The following NGEF variants were observed in gnomAD, a reference collection of about 807,000 sequenced individuals.
NGEF encodes neuronal guanine nucleotide exchange factor.
A neutral mutation model predicts 80.9 loss-of-function variants in NGEF; 31 were observed. The ratio of observed to expected loss-of-function variants is 0.38; its 90% CI spans 0.29 to 0.52. The LOEUF (loss-of-function observed/expected upper bound fraction) is 0.52. Ranked by LOEUF, NGEF falls within the 20% of genes least tolerant of loss-of-function variation. NGEF has a pLI of 0.84. For synonymous variants in NGEF, 371 were observed against 370.2 expected, an observed-to-expected ratio of 1.00 and a Z score of -0.03; for missense variants, 709 against 926.2, an observed-to-expected ratio of 0.77 and a Z score of 3.04.
At chr2:232,901,254 A>C in intron 5 of NGEF, 2 of 510,274 alleles carry the variant, frequency 3.9e-6, no homozygotes, top group Non-Finnish European at 5.0e-6. Context: ...CCGGGACTAC[A>C]GTGTCTGTCC....
intron 4 of NGEF, among the ~76,000 whole-genome samples, chr2:232,921,823 C>T (rs1024455101): frequency 1.3e-5 from 2 of 152,176 alleles, no homozygotes; most frequent in Non-Finnish European, 2.9e-5. Flanking sequence ...CGGGCTGCAG[C>T]AGCTCCTTGG....
chr2:232,983,418 T>C (rs896885308), intron 1 of NGEF, among the ~76,000 whole-genome samples: 7 of 151,328 alleles, frequency 4.6e-5, no homozygotes, highest in African/African-American at 1.5e-4. Context: ...GTTTGGTGCC[T>C]GAGGGGTGAA....
chr2:233,002,823 G>T (rs947194146), intron 1 of NGEF, among the ~76,000 whole-genome samples: 1 of 152,216 alleles, frequency 6.6e-6, no homozygotes, highest in Admixed American at 6.5e-5. Context: ...TCCACTGTGA[G>T]TGGCAGCAAC....
intron 3 of NGEF, among the ~76,000 whole-genome samples, chr2:232,942,618 T>G (rs2106297813): frequency 6.6e-6 from 1 of 152,298 alleles, no homozygotes; most frequent in South Asian, 2.1e-4. Context: ...AACTCACGCC[T>G]GTAATCCCAA....
chr2:232,949,029 C>CA, intron 3 of NGEF, among the ~76,000 whole-genome samples: 1 of 129,024 alleles, frequency 7.8e-6, no homozygotes, highest in Non-Finnish European at 1.7e-5. Flanking sequence ...AAAAAACCCC[C>CA]CAAAAAAAAC....
chr2:232,920,325 C>A lies in NGEF; in HGVS notation c.787G>T (p.Val263Leu). Reference protein sequence around the residue: ...QDLPEIRSSGVLEILQPEEIK... With the variant: ...QDLPEIRSSGLLEILQPEEIK... ...TCCTCGGGCTGTAGGATCTCAAGCA[C>A]CCCGCTGCTCCGGATCTCGGGAAGA... Residue 263 changes from valine to leucine, a missense_variant, in exon 5 of 15, where the codon GTG becomes TTG. Coordinates refer to ENST00000264051, the MANE Select transcript of NGEF (RefSeq NM_019850.3). The A allele has an allele frequency of 6.2e-7, 1 of 1,614,106 alleles. No homozygotes were observed. Among genetic ancestry groups the A allele is most frequent in the Non-Finnish European group, 8.5e-7 (1 of 1,180,002 alleles).
chr2:232,888,765 G>A (rs1011155770), intron 8 of NGEF, among the ~76,000 whole-genome samples: 9 of 152,216 alleles, frequency 5.9e-5, no homozygotes, highest in African/African-American at 1.9e-4. Context: ...ATTTGGCCCC[G>A]AAACTTTGTT....
At chr2:232,979,955 T>C (rs976466052) in intron 1 of NGEF, among the ~76,000 whole-genome samples, 1 of 151,978 alleles carries the variant, frequency 6.6e-6, no homozygotes, top group African/African-American at 2.4e-5. Flanking sequence ...ACTTTATAGA[T>C]GAGGCAGCTG....
intron 4 of NGEF, among the ~76,000 whole-genome samples, chr2:232,925,349 G>A (rs1375997286): frequency 6.6e-6 from 1 of 152,168 alleles, no homozygotes; most frequent in Non-Finnish European, 1.5e-5. Context: ...GGCAGCCCTG[G>A]GCTGTCAGTC....
At chr2:232,959,607 T>G (rs1693903636) in intron 3 of NGEF, among the ~76,000 whole-genome samples, 2 of 148,192 alleles carry the variant, frequency 1.3e-5, no homozygotes, top group Non-Finnish European at 3.0e-5. Context: ...AAGACAGAGC[T>G]TCACTCTTTT....
chr2:232,902,382 C>T (rs1048707575), intron 5 of NGEF, among the ~76,000 whole-genome samples: 19 of 152,152 alleles, frequency 1.2e-4, no homozygotes, highest in African/African-American at 4.6e-4. Flanking sequence ...AATTCGAGGC[C>T]GGACTGAGCA....
At chr2:232,919,002 G>A (rs933822622) in intron 5 of NGEF, among the ~76,000 whole-genome samples, 1 of 152,190 alleles carries the variant, frequency 6.6e-6, no homozygotes, top group African/African-American at 2.4e-5. Context: ...CTGCTCACAA[G>A]TTAGGAAGGA....
intron 5 of NGEF, among the ~76,000 whole-genome samples, chr2:232,897,246 G>A (rs1692128680): frequency 6.6e-6 from 1 of 151,924 alleles, no homozygotes; most frequent in Non-Finnish European, 1.5e-5. Context: ...AGGGCCCAGG[G>A]CTTTGGCATG....
At chr2:232,989,287 A>G (rs941529443) in intron 1 of NGEF, among the ~76,000 whole-genome samples, 10 of 152,136 alleles carry the variant, frequency 6.6e-5, no homozygotes, top group Admixed American at 6.5e-5. Flanking sequence ...GTCTCTACTA[A>G]AAATACAAAA....
chr2:232,981,491 T>C (rs956928487), intron 1 of NGEF, among the ~76,000 whole-genome samples: 14 of 152,068 alleles, frequency 9.2e-5, no homozygotes, highest in Non-Finnish European at 1.9e-4. Flanking sequence ...ATCACTATTG[T>C]AAAACCTAAG....
chr2:232,995,618 C>CTGTATATATATAAA (rs376826955), intron 1 of NGEF, among the ~76,000 whole-genome samples: 1 of 66,872 alleles, frequency 1.5e-5, no homozygotes, highest in Non-Finnish European at 3.1e-5. Context: ...AGTATGTATA[C>CTGTATATATATAAA]GTATGTATAC....
chr2:232,896,516 G>A (rs893342200), intron 5 of NGEF, among the ~76,000 whole-genome samples: 2 of 149,386 alleles, frequency 1.3e-5, no homozygotes, highest in African/African-American at 4.9e-5. Context: ...AGGAGCCTGG[G>A]GTAAGGGTGA....
In NGEF at chr2:232,885,189, C is replaced by T. The variant is rs1037782009; in HGVS notation, c.1437+91G>A. ...TGTGGCCAGTGACCAAGGACCTAAG[C>T]AAGGCCAGCCAGGCGCGGTGATCTG... is the stretch of plus-strand genomic sequence containing the variant. On this transcript the variant is annotated intron_variant, in intron 10 of 14. Coordinates refer to ENST00000264051, the MANE Select transcript of NGEF (RefSeq NM_019850.3). 2.4e-6 allele frequency: 3 copies of T among 1,226,646 alleles called. No homozygotes were observed. In the South Asian group the frequency reaches 3.9e-5, roughly 16 times the overall value. The allele number at this position is 1,226,646 out of a possible 1,614,324, so 76.0% of individuals were successfully genotyped here.
chr2:232,992,743 T>C (rs1334751368), intron 1 of NGEF, among the ~76,000 whole-genome samples: 1 of 151,754 alleles, frequency 6.6e-6, no homozygotes, highest in Admixed American at 6.6e-5. Flanking sequence ...TCCCAGCACT[T>C]TGGGAGGCTG....
Sources: gnomAD v4.1 joint callset for allele counts (sites outside exome capture counted in the v4.1 genomes callset) on GRCh38, gnomAD v4.1.1 for gene constraint, MANE v1.5 for transcripts, NCBI Gene and HGNC (gene_info 2026-07-23, HGNC 2026-07-21) for gene names.